LRP1B: variants seen among roughly 807,000 people sequenced by gnomAD.
LRP1B encodes low-density lipoprotein receptor-related protein 1B.
In LRP1B, 217 loss-of-function variants were observed where a neutral mutation model predicts 556.6. That is an observed-to-expected ratio of 0.39 (90% confidence interval 0.35 to 0.44). The LOEUF (loss-of-function observed/expected upper bound fraction) is 0.44. Among genes scored for constraint, LRP1B ranks in the 20% least tolerant of loss-of-function variants. The probability of loss-of-function intolerance (pLI) is 1.00; values close to 1 mark genes in which losing one functional copy is unlikely to be tolerated. For synonymous variants in LRP1B, 2,047 were observed against 1,865.8 expected, an observed-to-expected ratio of 1.10 and a Z score of -2.50; for missense variants, 5,053 against 5,620.8, an observed-to-expected ratio of 0.90 and a Z score of 3.23.
rs535156926 is a variant in LRP1B at position 141,511,338 on chromosome 2, A to G, written c.206-30805T>C. Among the ~76,000 whole-genome samples, 4 of 152,286 alleles carry G rather than the reference A, an allele frequency of 2.6e-5. No individual in the cohort carries two copies. In the South Asian group the frequency reaches 8.3e-4, roughly 32 times the overall value. On this transcript the variant is annotated intron_variant, in intron 2 of 90. Coordinates refer to ENST00000389484, the MANE Select transcript of LRP1B (RefSeq NM_018557.3). Reference sequence around the variant, plus strand: ...ACACCTGGCTTATCTACCATAATCCATCTTCCTCACAGACAACATCCTAAC... The same window carrying G: ...ACACCTGGCTTATCTACCATAATCCGTCTTCCTCACAGACAACATCCTAAC...
intron 1 of LRP1B, among the ~76,000 whole-genome samples, chr2:142,046,212 G>T (rs1403346395): frequency 6.6e-6 from 1 of 151,788 alleles, no homozygotes; most frequent in East Asian, 1.9e-4. Context: ...CAGGGTTGGG[G>T]GGCAGTTTCT....
intron 67 of LRP1B, among the ~76,000 whole-genome samples, chr2:140,383,280 G>A (rs1349749676): frequency 2.0e-5 from 3 of 148,708 alleles, no homozygotes; most frequent in Non-Finnish European, 4.5e-5. Flanking sequence ...TAATGTATTA[G>A]GACAGTGATG....
At chr2:140,705,349 C>T (rs1009028219) in intron 37 of LRP1B, among the ~76,000 whole-genome samples, 3 of 151,126 alleles carry the variant, frequency 2.0e-5, no homozygotes, top group Non-Finnish European at 4.4e-5. Flanking sequence ...CATGGTGAAA[C>T]CCCTTCTCTA....
chr2:140,829,694 C>T (rs1024150369), intron 31 of LRP1B, among the ~76,000 whole-genome samples: 5 of 151,716 alleles, frequency 3.3e-5, no homozygotes, highest in Non-Finnish European at 5.9e-5. Context: ...AATGAACATC[C>T]CAATGAGGCA....
intron 72 of LRP1B, among the ~76,000 whole-genome samples, chr2:140,364,410 G>C (rs959323935): frequency 6.6e-6 from 1 of 151,540 alleles, no homozygotes; most frequent in African/African-American, 2.4e-5. Flanking sequence ...CACCCAAAGA[G>C]ACCATAATCT....
intron 2 of LRP1B, among the ~76,000 whole-genome samples, chr2:141,687,111 C>T (rs1364317497): frequency 2.0e-5 from 3 of 151,982 alleles, no homozygotes; most frequent in South Asian, 4.1e-4. Context: ...AACTCAGACT[C>T]TACCTTTGAT....
At chr2:140,738,589 C>A (rs1444530502) in intron 35 of LRP1B, among the ~76,000 whole-genome samples, 1 of 152,084 alleles carries the variant, frequency 6.6e-6, no homozygotes. Flanking sequence ...ATGCAGAACC[C>A]CTTTGAATGG....
In LRP1B at chr2:141,417,019, A is replaced by G. The variant is rs543692335; in HGVS notation, c.343+63377T>C. On this transcript the variant is annotated intron_variant, in intron 3 of 90. Coordinates refer to ENST00000389484, the MANE Select transcript of LRP1B (RefSeq NM_018557.3). ...AACTTTTTTTACAAAGAATAACACT[A>G]AATTTTATAGTCATATATAAGTTCA... Among the ~76,000 whole-genome samples the G allele has an allele frequency of 1.1e-4, 16 of 152,336 alleles. 1 individual carries two copies. Among genetic ancestry groups the G allele is most frequent in the African/African-American group, 3.6e-4 (15 of 41,592 alleles).
chr2:140,315,146 AT>A, intron 82 of LRP1B, 47 bp from the exon 83 acceptor site: 2 of 1,289,384 alleles, frequency 1.6e-6, no homozygotes, highest in Non-Finnish European at 2.1e-6. Context: ...TCAGGGAGTA[AT>A]TTAATAAAAT....
intron 74 of LRP1B, 128 bp downstream of exon 74, chr2:140,357,851 T>C (rs1488027562): frequency 1.8e-6 from 2 of 1,089,166 alleles, no homozygotes; most frequent in Non-Finnish European, 2.6e-6. Flanking sequence ...TGGCAAAGGT[T>C]TTTGAAAAAG....
intron 2 of LRP1B, among the ~76,000 whole-genome samples, chr2:141,544,599 T>A (rs188356353): frequency 2.6e-5 from 4 of 151,810 alleles, no homozygotes; most frequent in African/African-American, 9.7e-5. Flanking sequence ...ACCGCTCTTA[T>A]AAACACAGAC....
rs73964707 is a variant in LRP1B, at chr2:140,838,613, T to C, written c.5209+1378A>G. The stretch of plus-strand genomic sequence containing the variant: ...CTAAATTTCTAAAACTAAGAAAAAA[T>C]CGACAAGCTTCATGATATATTGATT... On this transcript the variant is annotated intron_variant, in intron 31 of 90. Coordinates refer to ENST00000389484, the MANE Select transcript of LRP1B (RefSeq NM_018557.3). Among the ~76,000 whole-genome samples, 562 of 152,092 alleles carry C rather than the reference T, an allele frequency of 3.7e-3. 7 individuals are homozygous for C. Among genetic ancestry groups the C allele is most frequent in the African/African-American group, 0.012 (506 of 41,492 alleles).
intron 17 of LRP1B, among the ~76,000 whole-genome samples, chr2:140,984,180 A>G (rs972864513): frequency 1.3e-5 from 2 of 151,884 alleles, no homozygotes; most frequent in Non-Finnish European, 2.9e-5. Context: ...TTTCCCTTAC[A>G]TATCTCTGTT....
At chr2:141,507,025 T>A (rs1683956880) in intron 2 of LRP1B, among the ~76,000 whole-genome samples, 1 of 152,176 alleles carries the variant, frequency 6.6e-6, no homozygotes, top group African/African-American at 2.4e-5. Flanking sequence ...AAGTGACTTC[T>A]ACAGAAGGTG....
At chr2:140,597,001 T>C (rs936180805) in intron 43 of LRP1B, among the ~76,000 whole-genome samples, 2 of 152,294 alleles carry the variant, frequency 1.3e-5, no homozygotes, top group Non-Finnish European at 2.9e-5. Flanking sequence ...AAACAGTCCA[T>C]AAATAGTCCC....
At chr2:140,348,669 C>T (rs1558820187) in intron 77 of LRP1B, among the ~76,000 whole-genome samples, 1 of 151,994 alleles carries the variant, frequency 6.6e-6, no homozygotes, top group Non-Finnish European at 1.5e-5. Flanking sequence ...TAAGTCTAAT[C>T]AACAGCTTTG....
chr2:141,273,257 C>T (rs912766240), intron 3 of LRP1B, among the ~76,000 whole-genome samples: 5 of 151,624 alleles, frequency 3.3e-5, no homozygotes, highest in East Asian at 1.9e-4. Context: ...TGCAGTGAAC[C>T]GAGATCATAC....
chr2:141,276,662 T>TTTCTTTC (rs1685305519), intron 3 of LRP1B, among the ~76,000 whole-genome samples: 4 of 83,296 alleles, frequency 4.8e-5, no homozygotes, highest in Admixed American at 1.1e-4. Flanking sequence ...TTCTTTCTTT[T>TTTCTTTC]TTTTTTTTTT....
chr2:142,096,345 C>T (rs1270083021), intron 1 of LRP1B, among the ~76,000 whole-genome samples: 1 of 151,422 alleles, frequency 6.6e-6, no homozygotes, highest in Admixed American at 6.6e-5. Flanking sequence ...TAAACCAAAG[C>T]AGAAGTAGAA....
Sources: allele counts gnomAD v4.1 joint callset (sites outside exome capture counted in the v4.1 genomes callset), GRCh38; gene constraint gnomAD v4.1.1; transcripts MANE v1.5; gene names NCBI Gene and HGNC (gene_info 2026-07-23, HGNC 2026-07-21).